Variants in WDFY3 observed in about 807,000 individuals in gnomAD.
The protein encoded by WDFY3 is WD repeat and FYVE domain containing 3, also known as WD repeat and FYVE domain-containing protein 3.
Under a neutral mutation model 409.6 loss-of-function variants are expected in WDFY3, and 66 were observed. The observed-to-expected ratio is 0.16, with a 90% CI of 0.13 to 0.20. The LOEUF (loss-of-function observed/expected upper bound fraction) is 0.20. Ranked by LOEUF, WDFY3 falls within the 10% of genes least tolerant of loss-of-function variation. The pLI, the probability that WDFY3 is intolerant of heterozygous loss-of-function variation, is 1.00. For synonymous variants in WDFY3, 1,521 were observed against 1,537.1 expected (o/e 0.99, Z 0.25); for missense variants, 3,031 against 4,298.1 (o/e 0.71, Z 8.24).
chr4:84,959,881 T>C (rs1458623547), intron 1 of WDFY3, among the ~76,000 whole-genome samples: 1 of 152,218 alleles, frequency 6.6e-6, no homozygotes, highest in African/African-American at 2.4e-5. Context: ...AACATTACAG[T>C]ATTAGATGAG....
intron 27 of WDFY3, among the ~76,000 whole-genome samples, chr4:84,777,993 G>A (rs190787560): frequency 1.3e-5 from 2 of 152,098 alleles, no homozygotes; most frequent in South Asian, 2.1e-4. Flanking sequence ...GGTCCCAAGG[G>A]TATGTAGGAC....
rs202016917 is a variant in WDFY3 at position 84,775,657 on chromosome 4, T to C, written c.4519-519A>G. ...AGTATCAAGCAATCTAAGATATGTG[T>C]CATTGGTGTCCAGAAAAGGGAAGGG... On this transcript the variant is annotated intron_variant, in intron 27 of 67. Transcript: ENST00000295888. 5.9e-5 allele frequency among the ~76,000 whole-genome samples: 9 copies of C among 151,956 alleles called. No homozygotes were observed. In the East Asian group the frequency reaches 1.7e-3, roughly 29 times the overall value.
At chr4:84,688,511 A>T (rs2148830747) in intron 61 of WDFY3, among the ~76,000 whole-genome samples, 1 of 152,298 alleles carries the variant, frequency 6.6e-6, no homozygotes, top group Non-Finnish European at 1.5e-5. Flanking sequence ...CTTTCACATT[A>T]GTTCTTTCCT....
intron 2 of WDFY3, among the ~76,000 whole-genome samples, chr4:84,930,022 C>T (rs1770553400): frequency 6.6e-6 from 1 of 152,062 alleles, no homozygotes; most frequent in African/African-American, 2.4e-5. Flanking sequence ...TGGAACAAAT[C>T]CTTCCCTCAC....
At chr4:84,750,131 AAACTATT>A (rs1371044735) in intron 36 of WDFY3, among the ~76,000 whole-genome samples, 3 of 152,132 alleles carry the variant, frequency 2.0e-5, no homozygotes, top group African/African-American at 7.2e-5. Context: ...ATTTTCCAAT[AAACTATT>A]TCACTTTTTC....
rs1273763188 is a variant in WDFY3 at position 84,671,740 on chromosome 4, G to A, written c.*1128C>T. On this transcript the variant is annotated 3_prime_UTR_variant, in exon 68 of 68. Coordinates refer to ENST00000295888, the MANE Select transcript of WDFY3 (RefSeq NM_014991.6). ...TGTTTTCAGGTAGATGACATTAAATGGTAAAGGTTAATTTTAAGCAGTTCT... is the reference window on the plus strand; with the variant it reads ...TGTTTTCAGGTAGATGACATTAAATAGTAAAGGTTAATTTTAAGCAGTTCT... 6.6e-6 allele frequency: 1 copy of A among 152,482 alleles called. No homozygotes were observed. Among genetic ancestry groups the A allele is most frequent in the Non-Finnish European group, 1.5e-5 (1 of 68,008 alleles). The allele number at this position is 152,482 out of a possible 1,614,324, so 9.4% of individuals were successfully genotyped here.
intron 3 of WDFY3, chr4:84,886,501 T>C (rs1764247182): frequency 6.6e-6 from 1 of 152,144 alleles, no homozygotes; most frequent in Admixed American, 6.6e-5. Context: ...GATACATGTA[T>C]TTTTTTCTAA....
At chr4:84,933,391 T>C (rs1464786977) in intron 1 of WDFY3, among the ~76,000 whole-genome samples, 1 of 152,096 alleles carries the variant, frequency 6.6e-6, no homozygotes, top group East Asian at 1.9e-4. Flanking sequence ...CTCTTTTTAA[T>C]TTTTATTTTT....
intron 2 of WDFY3, among the ~76,000 whole-genome samples, chr4:84,910,591 G>A (rs1767628197): frequency 6.6e-6 from 1 of 152,054 alleles, no homozygotes; most frequent in Non-Finnish European, 1.5e-5. Context: ...AACAAAACCA[G>A]TGCTGGGAAA....
intron 1 of WDFY3, among the ~76,000 whole-genome samples, chr4:84,953,278 G>A (rs1219508108): frequency 6.6e-6 from 1 of 151,750 alleles, no homozygotes; most frequent in African/African-American, 2.4e-5. Context: ...AACTAGTTAT[G>A]AGGGTCACGG....
intron 24 of WDFY3, 47 bp from the exon 25 acceptor site, chr4:84,783,121 C>A: frequency 6.5e-7 from 1 of 1,536,096 alleles, no homozygotes; most frequent in South Asian, 1.1e-5. Context: ...AGAACAGTTT[C>A]AATGTTTTGA....
At chr4:84,854,008 T>C (rs1176808407) in intron 4 of WDFY3, among the ~76,000 whole-genome samples, 1 of 152,092 alleles carries the variant, frequency 6.6e-6, no homozygotes, top group Non-Finnish European at 1.5e-5. Flanking sequence ...CAGTGGTAAA[T>C]AAGTTGATTT....
Position 84,854,112 on chromosome 4 carries a change from A to C in WDFY3, c.181-4087T>G, listed in dbSNP as rs1311566311. Among the ~76,000 whole-genome samples the C allele has an allele frequency of 4.6e-5, 7 of 152,310 alleles. No homozygotes were observed. In the East Asian group the frequency reaches 1.4e-3, roughly 29 times the overall value. On this transcript the variant is annotated intron_variant, in intron 4 of 67. Transcript: ENST00000295888. ...GGGGTGGGAAGAAGGTTGTCAGGAA[A>C]GGTCTTTCTGAAGAAGCGACACTGG...
intron 2 of WDFY3, among the ~76,000 whole-genome samples, chr4:84,898,230 G>C (rs1765893063): frequency 6.6e-6 from 1 of 152,140 alleles, no homozygotes; most frequent in African/African-American, 2.4e-5. Flanking sequence ...AATTGTCACA[G>C]AAAGTTACAT....
rs1440124006 is a variant in WDFY3, at chr4:84,677,289, C to T, written c.10367G>A (p.Gly3456Asp). The change falls in exon 67 of 68, where the codon GGT becomes GAT. Residue 3456 changes from glycine (G) to aspartate (D), a missense_variant. This residue lies in a region of WDFY3 where 378 missense variants were observed against 477.3 expected (regional missense o/e 0.79). Transcript: ENST00000295888. ...CGAGCAGCCTGAGCAGCTGTCACCA[C>T]CTTCATCCTTCACCCAGTGATCAGC... ...SAADHWVKDE[G>D]GDSCSGCSVR... The T allele has an allele frequency of 6.2e-7, 1 of 1,614,234 alleles. No individual in the cohort carries two copies. The highest frequency in any genetic ancestry group is 1.1e-5 in the South Asian group (1 of 91,086).
intron 3 of WDFY3, among the ~76,000 whole-genome samples, chr4:84,873,717 G>T (rs1213776410): frequency 6.6e-6 from 1 of 151,978 alleles, no homozygotes; most frequent in African/African-American, 2.4e-5. Context: ...GAAATGATCA[G>T]TAAACTTAGT....
chr4:84,875,362 A>G (rs1464350441), intron 3 of WDFY3, among the ~76,000 whole-genome samples: 1 of 151,872 alleles, frequency 6.6e-6, no homozygotes, highest in East Asian at 1.9e-4. Flanking sequence ...TGCACAGAGC[A>G]CTAGTTATGA....
intron 3 of WDFY3, among the ~76,000 whole-genome samples, chr4:84,871,917 A>G (rs941658999): frequency 1.3e-5 from 2 of 152,230 alleles, no homozygotes; most frequent in African/African-American, 4.8e-5. Context: ...TACAGGCATG[A>G]GCCATCATGC....
intron 58 of WDFY3, among the ~76,000 whole-genome samples, chr4:84,693,544 G>T (rs1177803981): frequency 6.6e-6 from 1 of 151,990 alleles, no homozygotes; most frequent in Non-Finnish European, 1.5e-5. Context: ...TTGCTATGTT[G>T]TAAAGGGAAA....
Sources: gnomAD v4.1 joint callset for allele counts (sites outside exome capture counted in the v4.1 genomes callset) on GRCh38, gnomAD v4.1.1 for gene constraint, gnomAD v4.1.1 regional missense constraint, MANE v1.5 for transcripts, NCBI Gene and HGNC (gene_info 2026-07-23, HGNC 2026-07-21) for gene names.